SLC14A2: variants seen among roughly 807,000 people sequenced by gnomAD.
The protein encoded by SLC14A2 is solute carrier family 14 member 2.
SLC14A2 carries 91 observed loss-of-function variants against 104.6 expected under a neutral mutation model. The observed-to-expected ratio is 0.87, with a 90% CI of 0.73 to 1.04. The LOEUF (loss-of-function observed/expected upper bound fraction) is 1.04, where lower values mean the gene tolerates loss of function less well. Ranked by LOEUF, SLC14A2 falls within the 50% of genes least tolerant of loss-of-function variation. SLC14A2 has a pLI of 0.00. For synonymous variants in SLC14A2, 476 were observed against 466.4 expected (o/e 1.02, Z -0.27); for missense variants, 1,189 against 1,156.0 (o/e 1.03, Z -0.41).
At position 45,359,018 on chromosome 18, in the gene SLC14A2, C is replaced by T. The variant is rs535758159; in HGVS notation, c.-124-124215C>T. 2.7e-4 allele frequency among the ~76,000 whole-genome samples: 41 copies of T among 152,330 alleles called. No homozygotes were observed. In the South Asian group the frequency reaches 3.3e-3, roughly 12 times the overall value. ...CCTTGGGCAAGTTAATAAACATCTG[C>T]AAAATGGAAGCAAGGATTCCTACAC... On this transcript the variant is annotated intron_variant, in intron 1 of 20. Transcript: ENST00000586448.
intron 2 of SLC14A2, among the ~76,000 whole-genome samples, chr18:45,492,347 T>C (rs1598908815): frequency 6.6e-6 from 1 of 152,328 alleles, no homozygotes; most frequent in East Asian, 1.9e-4. Flanking sequence ...GGAGGTTTAA[T>C]TGACTCACAG....
At chr18:45,394,229 T>C (rs1367242236) in intron 1 of SLC14A2, among the ~76,000 whole-genome samples, 1 of 152,208 alleles carries the variant, frequency 6.6e-6, no homozygotes, top group Non-Finnish European at 1.5e-5. Flanking sequence ...TCTTCTCTTG[T>C]ATATCAAGCT....
At chr18:45,522,604 C>G (rs2043532278) in intron 2 of SLC14A2, among the ~76,000 whole-genome samples, 1 of 152,186 alleles carries the variant, frequency 6.6e-6, no homozygotes. Flanking sequence ...TCTCCATCGA[C>G]CTCTAAAATA....
chr18:45,331,184 G>A (rs1043376751), intron 1 of SLC14A2, among the ~76,000 whole-genome samples: 7 of 152,026 alleles, frequency 4.6e-5, no homozygotes, highest in African/African-American at 1.7e-4. Context: ...TAGAATATAC[G>A]GACATCTAAC....
intron 1 of SLC14A2, among the ~76,000 whole-genome samples, chr18:45,313,263 T>C (rs921086527): frequency 2.0e-5 from 3 of 152,154 alleles, no homozygotes; most frequent in African/African-American, 4.8e-5. Flanking sequence ...TAGGATGGGA[T>C]TGGAGGAAGG....
At chr18:45,523,847 C>T (rs1480512496) in intron 2 of SLC14A2, among the ~76,000 whole-genome samples, 1 of 152,220 alleles carries the variant, frequency 6.6e-6, no homozygotes, top group Non-Finnish European at 1.5e-5. Flanking sequence ...AGAACTTACC[C>T]TACACTAGGC....
intron 2 of SLC14A2, among the ~76,000 whole-genome samples, chr18:45,547,195 G>A (rs1287601215): frequency 6.6e-6 from 1 of 152,058 alleles, no homozygotes; most frequent in Non-Finnish European, 1.5e-5. Context: ...GAAAAAAAAA[G>A]AAAAACTTTT....
intron 1 of SLC14A2, among the ~76,000 whole-genome samples, chr18:45,459,595 A>C (rs1042617037): frequency 1.3e-5 from 2 of 152,170 alleles, no homozygotes; most frequent in Admixed American, 6.5e-5. Context: ...CTGAAAGCAT[A>C]TACCACCTGC....
chr18:45,360,140 T>C (rs2085595958), intron 1 of SLC14A2, among the ~76,000 whole-genome samples: 1 of 152,142 alleles, frequency 6.6e-6, no homozygotes, highest in South Asian at 2.1e-4. Context: ...GTTTTTTATT[T>C]CTCCAGATTC....
intron 1 of SLC14A2, among the ~76,000 whole-genome samples, chr18:45,381,769 T>C (rs1405374285): frequency 2.0e-5 from 3 of 151,916 alleles, no homozygotes; most frequent in African/African-American, 4.8e-5. Flanking sequence ...TGGCACCAGG[T>C]TTGAGAGGCC....
intron 2 of SLC14A2, among the ~76,000 whole-genome samples, chr18:45,517,787 G>A (rs1340382458): frequency 2.0e-5 from 3 of 152,134 alleles, no homozygotes. Flanking sequence ...GCATTCCACT[G>A]AAAACTTTAA....
the SLC14A2 span, among the ~76,000 whole-genome samples, chr18:45,170,317 G>A: frequency 6.6e-6 from 1 of 152,136 alleles, no homozygotes; most frequent in African/African-American, 2.4e-5. Context: ...CAGAAGGGCA[G>A]GCAGAGGTTC....
intron 1 of SLC14A2, among the ~76,000 whole-genome samples, chr18:45,473,371 G>T (rs1397465403): frequency 2.0e-5 from 3 of 152,158 alleles, no homozygotes; most frequent in Non-Finnish European, 2.9e-5. Flanking sequence ...CTCTTTTTTG[G>T]TTCCATGTGA....
At chr18:45,667,211 C>A (rs996578832) in intron 13 of SLC14A2, 117 bp downstream of exon 13, 1 of 728,008 alleles carries the variant, frequency 1.4e-6, no homozygotes, top group South Asian at 2.1e-5. Context: ...AGACTGCACT[C>A]TGTTACTGTG....
At chr18:45,246,215 T>A (rs896038896) in intron 1 of SLC14A2, among the ~76,000 whole-genome samples, 19 of 152,012 alleles carry the variant, frequency 1.2e-4, no homozygotes, top group Admixed American at 1.1e-3. Flanking sequence ...GAGAACACAA[T>A]GAGAAGGTGC....
At chr18:45,475,676 T>G in intron 1 of SLC14A2, among the ~76,000 whole-genome samples, 2 of 91,010 alleles carry the variant, frequency 2.2e-5, no homozygotes, top group South Asian at 4.1e-4. Flanking sequence ...TATATATATA[T>G]ATATATATAT....
At chr18:45,175,782 G>A in the SLC14A2 span, among the ~76,000 whole-genome samples, 1 of 152,156 alleles carries the variant, frequency 6.6e-6, no homozygotes, top group Non-Finnish European at 1.5e-5. Context: ...GGTGCTGACA[G>A]CACACTTTTG....
At chr18:45,608,110 A>G (rs886797594) in intron 2 of SLC14A2, among the ~76,000 whole-genome samples, 2 of 152,202 alleles carry the variant, frequency 1.3e-5, no homozygotes, top group Non-Finnish European at 2.9e-5. Context: ...TCACTGTTGA[A>G]TCCCCTGTGA....
chr18:45,226,875 TAGA>T (rs1371966361), intron 1 of SLC14A2, among the ~76,000 whole-genome samples: 1 of 147,920 alleles, frequency 6.8e-6, no homozygotes, highest in East Asian at 1.9e-4. Flanking sequence ...CTTAAATAGA[TAGA>T]AGTTTATTTT....
Sources: allele counts gnomAD v4.1 joint callset (sites outside exome capture counted in the v4.1 genomes callset), GRCh38; gene constraint gnomAD v4.1.1; transcripts MANE v1.5; gene names NCBI Gene and HGNC (gene_info 2026-07-23, HGNC 2026-07-21).